Variants in GPC5 observed in about 807,000 individuals in gnomAD.
GPC5 encodes glypican 5.
In GPC5, 47 loss-of-function variants were observed where a neutral mutation model predicts 53.9. The ratio of observed to expected loss-of-function variants is 0.87; its 90% CI spans 0.69 to 1.11. The LOEUF is 1.11. Among genes scored for constraint, GPC5 ranks in the 50% most tolerant of loss-of-function variants. The pLI is 0.00. For synonymous variants in GPC5, 286 were observed against 263.3 expected, an observed-to-expected ratio of 1.09 and a Z score of -0.84; for missense variants, 748 against 713.1, an observed-to-expected ratio of 1.05 and a Z score of -0.56.
At chr13:91,760,550 C>A (rs930413960) in intron 5 of GPC5, among the ~76,000 whole-genome samples, 5 of 152,106 alleles carry the variant, frequency 3.3e-5, no homozygotes, top group African/African-American at 7.2e-5. Context: ...AGGAGTTAAG[C>A]CAAACACATC....
intron 1 of GPC5, among the ~76,000 whole-genome samples, chr13:91,425,616 C>A (rs113909151): frequency 0.077 from 11,719 of 152,214 alleles, 1,451 homozygotes; most frequent in African/African-American, 0.26. Flanking sequence ...CCTCCCCAGC[C>A]ATGTGGAACT....
chr13:91,439,428 T>G (rs1318008876), intron 1 of GPC5, among the ~76,000 whole-genome samples: 1 of 152,262 alleles, frequency 6.6e-6, no homozygotes, highest in Non-Finnish European at 1.5e-5. Flanking sequence ...TTAGGTGATC[T>G]TATAAAAATC....
chr13:92,219,647 T>G (rs2042434885), intron 7 of GPC5, among the ~76,000 whole-genome samples: 1 of 152,128 alleles, frequency 6.6e-6, no homozygotes, highest in Non-Finnish European at 1.5e-5. Context: ...GGGCCAAGTC[T>G]TCATTTGCAT....
At chr13:92,860,086 C>A (rs903137507) in intron 7 of GPC5, among the ~76,000 whole-genome samples, 4 of 152,064 alleles carry the variant, frequency 2.6e-5, no homozygotes, top group Admixed American at 2.0e-4. Context: ...TACTATTTTA[C>A]CTTAATCTTT....
chr13:91,806,935 A>G (rs1420160767), intron 5 of GPC5, among the ~76,000 whole-genome samples: 1 of 152,184 alleles, frequency 6.6e-6, no homozygotes, highest in African/African-American at 2.4e-5. Context: ...TATTTTTGGA[A>G]CCATTTTATG....
intron 7 of GPC5, among the ~76,000 whole-genome samples, chr13:92,833,457 C>A (rs185153708): frequency 3.3e-5 from 5 of 152,238 alleles, no homozygotes; most frequent in Admixed American, 6.5e-5. Flanking sequence ...AGAAAATCTG[C>A]ATAAATAGAT....
chr13:92,029,511 T>C (rs935938204), intron 6 of GPC5, among the ~76,000 whole-genome samples: 3 of 152,220 alleles, frequency 2.0e-5, no homozygotes, highest in Admixed American at 6.5e-5. Context: ...ACTTCTCGGG[T>C]TCAACAGCAT....
intron 5 of GPC5, among the ~76,000 whole-genome samples, chr13:91,891,185 A>AT (rs2039381801): frequency 6.6e-6 from 1 of 152,178 alleles, no homozygotes; most frequent in Non-Finnish European, 1.5e-5. Flanking sequence ...CTACAATCTA[A>AT]TAACAGATGT....
intron 7 of GPC5, among the ~76,000 whole-genome samples, chr13:92,808,437 G>T (rs1201973104): frequency 6.6e-6 from 1 of 151,990 alleles, no homozygotes; most frequent in East Asian, 1.9e-4. Context: ...CCTTATATTT[G>T]GTTGTTGTTA....
At position 91,398,985 on chromosome 13, in the gene GPC5, C is replaced by A; in HGVS notation, c.-62C>A. The A allele has an allele frequency of 6.6e-7, 1 of 1,512,146 alleles. No homozygotes were observed. The allele number at this position is 1,512,146 out of a possible 1,614,324, so 93.7% of individuals were successfully genotyped here. ...CGCTGTGTCTTCCACGTCTGCAGCT[C>A]AGCCAGGGCGCGCAGGGCGAGTGGG... On this transcript the variant is annotated 5_prime_UTR_variant, in exon 1 of 8. Coordinates refer to ENST00000377067, the MANE Select transcript of GPC5 (RefSeq NM_004466.6).
chr13:92,219,789 A>C (rs999061628), intron 7 of GPC5, among the ~76,000 whole-genome samples: 1 of 152,100 alleles, frequency 6.6e-6, no homozygotes, highest in Admixed American at 6.5e-5. Flanking sequence ...AACCAATCAG[A>C]CTGATTGTGG....
chr13:92,663,903 T>C (rs9523757), intron 7 of GPC5, among the ~76,000 whole-genome samples: 41,865 of 82,566 alleles, frequency 0.51, 8,863 homozygotes, highest in Non-Finnish European at 0.62. Context: ...TATATATATA[T>C]ACACACACAC....
chr13:91,491,782 C>T (rs980424706), intron 2 of GPC5, among the ~76,000 whole-genome samples: 10 of 152,132 alleles, frequency 6.6e-5, no homozygotes, highest in African/African-American at 2.4e-4. Flanking sequence ...CTTTGCCTCT[C>T]CTGTCTTCTA....
At chr13:92,023,858 A>G (rs2040779778) in intron 6 of GPC5, among the ~76,000 whole-genome samples, 1 of 152,162 alleles carries the variant, frequency 6.6e-6, no homozygotes, top group Non-Finnish European at 1.5e-5. Flanking sequence ...ACTTGTTTAC[A>G]TAGAATTCAC....
At chr13:92,335,353 G>A (rs2043314852) in intron 7 of GPC5, among the ~76,000 whole-genome samples, 2 of 152,240 alleles carry the variant, frequency 1.3e-5, no homozygotes, top group Middle Eastern at 3.4e-3. Context: ...GCTGGGCACA[G>A]GACACTGAGT....
chr13:92,751,955 T>TA (rs569740575), intron 7 of GPC5, among the ~76,000 whole-genome samples: 2 of 151,602 alleles, frequency 1.3e-5, no homozygotes, highest in African/African-American at 2.4e-5. Flanking sequence ...TGTTACCTTG[T>TA]AAAAAAAAGT....
chr13:92,319,371 A>G (rs1308473711), intron 7 of GPC5, among the ~76,000 whole-genome samples: 2 of 151,138 alleles, frequency 1.3e-5, no homozygotes, highest in African/African-American at 2.4e-5. Flanking sequence ...TTTGGGGCCA[A>G]TGTATTTTTT....
At chr13:92,496,727 A>G (rs1303687327) in intron 7 of GPC5, among the ~76,000 whole-genome samples, 1 of 152,206 alleles carries the variant, frequency 6.6e-6, no homozygotes, top group Admixed American at 6.5e-5. Context: ...CAGCATGCAT[A>G]CAGACAGAGG....
At chr13:91,741,543 CTT>C (rs1216873876) in intron 4 of GPC5, among the ~76,000 whole-genome samples, 13 of 151,990 alleles carry the variant, frequency 8.6e-5, no homozygotes, top group Non-Finnish European at 1.5e-4. Flanking sequence ...GTGAAGAACA[CTT>C]AATGTTATTT....
Sources: gnomAD v4.1 joint callset for allele counts (sites outside exome capture counted in the v4.1 genomes callset) on GRCh38, gnomAD v4.1.1 for gene constraint, MANE v1.5 for transcripts, NCBI Gene and HGNC (gene_info 2026-07-23, HGNC 2026-07-21) for gene names.